Variants in CTNND2 observed in about 807,000 individuals in gnomAD.
The protein encoded by CTNND2 is catenin delta-2.
A neutral mutation model predicts 144.4 loss-of-function variants in CTNND2; 22 were observed. That is an observed-to-expected ratio of 0.15 (90% CI 0.11 to 0.22). CTNND2 has a LOEUF of 0.22. Ranked by LOEUF, CTNND2 falls within the 10% of genes least tolerant of loss-of-function variation. The pLI, the probability that CTNND2 is intolerant of heterozygous loss-of-function variation, is 1.00. For missense variants in CTNND2, 1,353 were observed against 1,618.8 expected (o/e 0.84, Z 2.82); for synonymous variants, 751 against 695.6 (o/e 1.08, Z -1.25).
intron 11 of CTNND2, among the ~76,000 whole-genome samples, chr5:11,167,318 C>T (rs1031871141): frequency 1.3e-5 from 2 of 152,112 alleles, no homozygotes; most frequent in African/African-American, 4.8e-5. Context: ...CACTTAGGCA[C>T]AAATATTGAG....
intron 7 of CTNND2, among the ~76,000 whole-genome samples, chr5:11,365,713 A>C (rs61750663): frequency 0.021 from 3,156 of 152,304 alleles, 57 homozygotes; most frequent in Admixed American, 0.038. Context: ...GTACATCAGG[A>C]AATAAGACTT....
intron 2 of CTNND2, among the ~76,000 whole-genome samples, chr5:11,707,043 GC>G (rs1160065278): frequency 1.3e-5 from 2 of 149,552 alleles, no homozygotes; most frequent in Non-Finnish European, 3.0e-5. Context: ...CCGAGATCAC[GC>G]CACTGCACTC....
At chr5:11,455,128 G>A (rs1765624436) in intron 3 of CTNND2, among the ~76,000 whole-genome samples, 1 of 151,516 alleles carries the variant, frequency 6.6e-6, no homozygotes, top group Non-Finnish European at 1.5e-5. Context: ...GGCTTAGGAA[G>A]AATGCATAGC....
At chr5:11,744,055 C>G (rs1264014977) in intron 1 of CTNND2, among the ~76,000 whole-genome samples, 1 of 152,148 alleles carries the variant, frequency 6.6e-6, no homozygotes, top group Non-Finnish European at 1.5e-5. Context: ...AGGGGAGACG[C>G]CTAAGCAGCC....
At chr5:11,659,962 G>A (rs974750490) in intron 2 of CTNND2, among the ~76,000 whole-genome samples, 5 of 152,044 alleles carry the variant, frequency 3.3e-5, no homozygotes, top group African/African-American at 4.8e-5. Context: ...AACACTTAAC[G>A]GGCTAGAATA....
rs551748569 is a variant in CTNND2 at position 11,698,341 on chromosome 5, T to C, written c.174+33795A>G. 2.0e-4 allele frequency among the ~76,000 whole-genome samples: 31 copies of C among 151,606 alleles called. 1 individual carries two copies. Among genetic ancestry groups the C allele is most frequent in the African/African-American group, 7.0e-4 (29 of 41,334 alleles). On this transcript the variant is annotated intron_variant, in intron 2 of 21. Transcript: ENST00000304623. ...TCTCGCTCTGTCGCCCAGGCTGGAATGCAGTGGCGCGATCTCGGCCCCCTG... is the reference window on the plus strand; with the variant it reads ...TCTCGCTCTGTCGCCCAGGCTGGAACGCAGTGGCGCGATCTCGGCCCCCTG...
In CTNND2 at chr5:11,903,669, C is replaced by T; in HGVS notation, c.37+148G>A. On this transcript the variant is annotated intron_variant, in intron 1 of 21. Coordinates refer to ENST00000304623, the MANE Select transcript of CTNND2 (RefSeq NM_001332.4). The surrounding 1 kb of genome is among the most constrained non-coding windows in gnomAD (Gnocchi z 5.4). ...AGGGGGACCTGGCGCGATCGCGGTCCTCCCCGAGGCAGGCAGAAACCCCGC... is the reference window on the plus strand; with the variant it reads ...AGGGGGACCTGGCGCGATCGCGGTCTTCCCCGAGGCAGGCAGAAACCCCGC... 3 of 855,948 alleles carry T rather than the reference C, an allele frequency of 3.5e-6. No homozygotes were observed. The highest frequency in any genetic ancestry group is 4.9e-6 in the Non-Finnish European group (3 of 611,934). 53.0% of individuals were successfully genotyped at this position (855,948 alleles called of 1,614,324 possible). A position where few individuals can be genotyped will look rare whatever the true frequency, so the allele number is the denominator to read the frequency against.
chr5:11,713,335 C>T (rs925768818), intron 2 of CTNND2, among the ~76,000 whole-genome samples: 4 of 152,002 alleles, frequency 2.6e-5, no homozygotes, highest in African/African-American at 9.7e-5. Flanking sequence ...AATCCCAGTA[C>T]TTTGGGAGGC....
chr5:11,717,252 T>C (rs1267064272), intron 2 of CTNND2, among the ~76,000 whole-genome samples: 1 of 152,088 alleles, frequency 6.6e-6, no homozygotes, highest in Non-Finnish European at 1.5e-5. Context: ...CCTTACTCAC[T>C]GTATTAGTTT....
intron 12 of CTNND2, among the ~76,000 whole-genome samples, chr5:11,155,582 C>T (rs956129885): frequency 2.6e-4 from 40 of 152,212 alleles, no homozygotes; most frequent in African/African-American, 8.7e-4. Context: ...GGAGGCAGAG[C>T]GTAGAAATGA....
At chr5:11,559,396 C>T (rs1776507465) in intron 3 of CTNND2, among the ~76,000 whole-genome samples, 2 of 152,184 alleles carry the variant, frequency 1.3e-5, no homozygotes, top group South Asian at 4.1e-4. Flanking sequence ...GTTTCCACTG[C>T]TCTACTCCAT....
chr5:11,004,770 C>CAAAA (rs56261802), intron 18 of CTNND2, among the ~76,000 whole-genome samples: 14 of 88,798 alleles, frequency 1.6e-4, no homozygotes, highest in Non-Finnish European at 2.3e-4. Flanking sequence ...CTCCTTCTCA[C>CAAAA]AAAAAAAAAA....
intron 1 of CTNND2, among the ~76,000 whole-genome samples, chr5:11,841,471 T>G (rs1035286015): frequency 6.6e-6 from 1 of 152,208 alleles, no homozygotes; most frequent in African/African-American, 2.4e-5. Flanking sequence ...AATCACATAC[T>G]CTTTGCCAGG....
At chr5:11,768,924 G>C (rs1299702992) in intron 1 of CTNND2, among the ~76,000 whole-genome samples, 1 of 152,134 alleles carries the variant, frequency 6.6e-6, no homozygotes, top group African/African-American at 2.4e-5. Context: ...GTAGGTAAGA[G>C]CTCCCCTCAG....
chr5:11,722,859 C>T (rs1786765082), intron 2 of CTNND2, among the ~76,000 whole-genome samples: 1 of 152,138 alleles, frequency 6.6e-6, no homozygotes, highest in Non-Finnish European at 1.5e-5. Context: ...CCATATCAAA[C>T]ACATATGACA....
intron 10 of CTNND2, among the ~76,000 whole-genome samples, chr5:11,216,959 T>A (rs1173421010): frequency 2.0e-5 from 3 of 152,128 alleles, no homozygotes; most frequent in African/African-American, 7.2e-5. Context: ...AGGAGGTGGA[T>A]CTATATTGCC....
intron 3 of CTNND2, among the ~76,000 whole-genome samples, chr5:11,509,800 C>T (rs374361041): frequency 3.2e-4 from 48 of 152,240 alleles, no homozygotes; most frequent in African/African-American, 1.1e-3. Context: ...ACAGGTGCTA[C>T]GGAGGAATGT....
chr5:11,342,590 A>AT (rs1754385180), intron 9 of CTNND2, among the ~76,000 whole-genome samples: 1 of 152,250 alleles, frequency 6.6e-6, no homozygotes, highest in Non-Finnish European at 1.5e-5. Flanking sequence ...TCAAAAAGGG[A>AT]TTAATCAAAC....
chr5:11,736,514 C>T (rs1787691306), intron 1 of CTNND2, among the ~76,000 whole-genome samples: 1 of 152,106 alleles, frequency 6.6e-6, no homozygotes, highest in Non-Finnish European at 1.5e-5. Flanking sequence ...ACAGAAAAGA[C>T]AGTCACCCTC....
Sources: gnomAD v4.1 joint callset for allele counts (sites outside exome capture counted in the v4.1 genomes callset) on GRCh38, gnomAD v4.1.1 for gene constraint, Gnocchi (gnomAD v3.1) non-coding constraint, MANE v1.5 for transcripts, NCBI Gene and HGNC (gene_info 2026-07-23, HGNC 2026-07-21) for gene names.